The following GNB4 variants were observed in gnomAD, a reference collection of about 807,000 sequenced individuals.
GNB4 encodes guanine nucleotide-binding protein subunit beta-4.
GNB4 carries 28 observed loss-of-function variants against 45.2 expected under a neutral mutation model. The ratio of observed to expected loss-of-function variants is 0.62; its 90% CI spans 0.46 to 0.85. The LOEUF (loss-of-function observed/expected upper bound fraction) is 0.85. GNB4 is among the 40% of genes least tolerant of loss of function. The pLI is 0.00. For missense variants in GNB4, 321 were observed against 425.4 expected (o/e 0.75, Z 2.16); for synonymous variants, 132 against 143.7 (o/e 0.92, Z 0.58).
chr3:179,491,691 TG>T, the GNB4 span, among the ~76,000 whole-genome samples: 1 of 152,262 alleles, frequency 6.6e-6, no homozygotes, highest in South Asian at 2.1e-4. Context: ...ATCCCAGACA[TG>T]TTTCAAGCTG....
chr3:179,447,017 A>T (rs1179861084), intron 1 of GNB4, among the ~76,000 whole-genome samples: 1 of 152,222 alleles, frequency 6.6e-6, no homozygotes, highest in Non-Finnish European at 1.5e-5. Flanking sequence ...TAAATAATAC[A>T]GCACATCAAT....
chr3:179,415,828 T>G (rs973356343), intron 5 of GNB4, among the ~76,000 whole-genome samples: 3 of 152,220 alleles, frequency 2.0e-5, no homozygotes, highest in Non-Finnish European at 4.4e-5. Context: ...TATTACAAAA[T>G]TGTCTTAGCT....
chr3:179,413,175 C>CA (rs923254801), intron 8 of GNB4, among the ~76,000 whole-genome samples: 6 of 149,802 alleles, frequency 4.0e-5, no homozygotes, highest in African/African-American at 1.5e-4. Flanking sequence ...AAGACTGTCT[C>CA]AAAAAAACAA....
At chr3:179,433,704 CAA>C (rs796319109) in intron 1 of GNB4, among the ~76,000 whole-genome samples, 2 of 133,838 alleles carry the variant, frequency 1.5e-5, no homozygotes, top group African/African-American at 2.7e-5. Context: ...AACAAAACAC[CAA>C]AAAAAAAAAC....
At chr3:179,522,470 C>A in the GNB4 span, among the ~76,000 whole-genome samples, 7 of 142,972 alleles carry the variant, frequency 4.9e-5, no homozygotes, top group Middle Eastern at 3.5e-3. Context: ...TCTCTTCGCA[C>A]GGACGCGAGT....
chr3:179,411,943 T>C (rs560385744), intron 8 of GNB4, among the ~76,000 whole-genome samples: 12 of 152,316 alleles, frequency 7.9e-5, no homozygotes, highest in Middle Eastern at 6.8e-3. Context: ...CTGATCTGCT[T>C]AGGTAACCTA....
the GNB4 span, among the ~76,000 whole-genome samples, chr3:179,491,127 A>C: frequency 1.3e-5 from 2 of 152,222 alleles, no homozygotes; most frequent in African/African-American, 2.4e-5. Context: ...AATAGACAGA[A>C]ATTCTCAGCA....
the GNB4 span, among the ~76,000 whole-genome samples, chr3:179,526,231 G>A: frequency 2.0e-5 from 3 of 152,188 alleles, no homozygotes; most frequent in Admixed American, 6.5e-5. Flanking sequence ...CATCAGTTAA[G>A]TCAGGAACCA....
At chr3:179,456,920 A>T in the GNB4 span, among the ~76,000 whole-genome samples, 1 of 152,172 alleles carries the variant, frequency 6.6e-6, no homozygotes, top group Non-Finnish European at 1.5e-5. Context: ...CAGTTGGTTT[A>T]TCCATTTGGC....
the GNB4 span, among the ~76,000 whole-genome samples, chr3:179,507,930 T>C: frequency 6.6e-6 from 1 of 152,212 alleles, no homozygotes; most frequent in Non-Finnish European, 1.5e-5. Flanking sequence ...AATAACCACA[T>C]GTTCTGGTGA....
intron 1 of GNB4, among the ~76,000 whole-genome samples, chr3:179,433,884 G>T (rs1165965450): frequency 1.3e-5 from 2 of 152,144 alleles, no homozygotes; most frequent in Non-Finnish European, 2.9e-5. Context: ...AAGCTTCAGA[G>T]GACCACATAC....
rs1354109011 is a variant in GNB4 at position 179,397,539 on chromosome 3, G to A, written c.*3674C>T. ...TGAGTCTAAAATGAAGGGAATTGCT[G>A]AACAGGCCCTTTTGCTGTTGAGATA... On this transcript the variant is annotated 3_prime_UTR_variant, in exon 10 of 10. Coordinates refer to ENST00000232564, the MANE Select transcript of GNB4 (RefSeq NM_021629.4). The A allele has an allele frequency of 6.6e-6, 1 of 152,612 alleles. No homozygotes were observed. Among genetic ancestry groups the A allele is most frequent in the Non-Finnish European group, 1.5e-5 (1 of 68,048 alleles). The allele number at this position is 152,612 out of a possible 1,614,324, so 9.5% of individuals were successfully genotyped here. A position where few individuals can be genotyped will look rare whatever the true frequency, so the allele number is the denominator to read the frequency against.
intron 3 of GNB4, among the ~76,000 whole-genome samples, chr3:179,420,451 T>C (rs1038384903): frequency 2.3e-5 from 3 of 127,900 alleles, no homozygotes; most frequent in African/African-American, 8.4e-5. Flanking sequence ...TGAAAATATA[T>C]ATACATATAT....
At chr3:179,424,933 A>C (rs1438901171) in intron 2 of GNB4, among the ~76,000 whole-genome samples, 4 of 152,136 alleles carry the variant, frequency 2.6e-5, no homozygotes, top group Non-Finnish European at 5.9e-5. Context: ...AATTAGACAA[A>C]TTCTTCAGAA....
chr3:179,405,320 T>G lies in GNB4; in HGVS notation c.786A>C (p.Leu262Phe), dbSNP rs745700290. The G allele has an allele frequency of 1.9e-6, 3 of 1,614,108 alleles. No homozygotes were observed. Among genetic ancestry groups the G allele is most frequent in the African/African-American group, 1.3e-5 (1 of 75,024 alleles). ...AGATGATATTGTCATGAGAATACAA[T>G]AATAACTCTTGATCTGCACGAAGGT... ...LFDLRADQEL[L>F]LYSHDNIICG... The change falls in exon 9 of 10, where the codon TTA becomes TTC. Residue 262 changes from leucine to phenylalanine, a missense_variant. By Grantham distance (22) the Leu-to-Phe change is conservative. Transcript: ENST00000232564.
chr3:179,405,407 C>T lies in GNB4; in HGVS notation c.700-1G>A. ...CGAAGGCATATCCATTTGGGAAAAA[C>T]TAGACAGGAAAGTAACAAACATTTA... On this transcript the variant is annotated splice_acceptor_variant, in intron 8 of 9. Transcript: ENST00000232564. LOFTEE classifies it high-confidence loss of function. 6.2e-7 allele frequency: 1 copy of T among 1,603,334 alleles called. No individual in the cohort carries two copies.
At chr3:179,516,511 T>C in the GNB4 span, among the ~76,000 whole-genome samples, 1 of 152,032 alleles carries the variant, frequency 6.6e-6, no homozygotes, top group African/African-American at 2.4e-5. Flanking sequence ...GCTTGATGTG[T>C]AGGGAAGGGA....
At chr3:179,420,754 C>G in intron 3 of GNB4, 135 bp downstream of exon 3, 1 of 666,508 alleles carries the variant, frequency 1.5e-6, no homozygotes, top group Non-Finnish European at 2.7e-6. Context: ...TGACAAATTA[C>G]GAAGTGCTTT....
At chr3:179,434,367 A>G (rs1008086931) in intron 1 of GNB4, among the ~76,000 whole-genome samples, 2 of 152,210 alleles carry the variant, frequency 1.3e-5, no homozygotes, top group Admixed American at 6.5e-5. Flanking sequence ...ACACATTGGC[A>G]TCATATCCCT....
Sources: allele counts gnomAD v4.1 joint callset (sites outside exome capture counted in the v4.1 genomes callset), GRCh38; gene constraint gnomAD v4.1.1; transcripts MANE v1.5; gene names NCBI Gene and HGNC (gene_info 2026-07-23, HGNC 2026-07-21).